The following RO60 variants were observed in gnomAD, a reference collection of about 807,000 sequenced individuals.
RO60 encodes RNA-binding protein RO60.
Under a neutral mutation model 55.3 loss-of-function variants are expected in RO60, and 20 were observed. The observed-to-expected ratio is 0.36, with a 90% CI of 0.25 to 0.53. The LOEUF is 0.53. Among genes scored for constraint, RO60 ranks in the 20% least tolerant of loss-of-function variants. The pLI is 0.92. For missense variants in RO60, 558 were observed against 646.6 expected, an observed-to-expected ratio of 0.86 and a Z score of 1.49; for synonymous variants, 213 against 213.6, an observed-to-expected ratio of 1.00 and a Z score of 0.02.
rs1271959018 is a variant in RO60 at position 193,088,736 on chromosome 1, CAAGA to C, written c.*4011_*4014del. On this transcript the variant is annotated 3_prime_UTR_variant, in exon 9 of 9. Transcript: ENST00000400968. The stretch of plus-strand genomic sequence containing the variant: ...CATATGGCATCAGTGTAAACATGCA[CAAGA>C]AAGAATTTGTAAAAAAAAATGACAG... 2.0e-5 allele frequency: 3 copies of C among 151,874 alleles called. No individual in the cohort carries two copies. The highest frequency in any genetic ancestry group is 2.0e-4 in the Admixed American group (3 of 15,254). 9.4% of individuals were successfully genotyped at this position (151,874 alleles called of 1,614,324 possible).
intron 1 of RO60, among the ~76,000 whole-genome samples, chr1:193,066,080 C>G (rs769952311): frequency 1.8e-4 from 27 of 152,132 alleles, no homozygotes; most frequent in Non-Finnish European, 3.2e-4. Context: ...TTCCTTATCC[C>G]TCATTCCTTC....
chr1:193,059,734 C>A lies in RO60; in HGVS notation c.-64C>A. 1 of 1,352,350 alleles carries A rather than the reference C, an allele frequency of 7.4e-7. No homozygotes were observed. 83.8% of individuals were successfully genotyped at this position (1,352,350 alleles called of 1,614,324 possible). A position where few individuals can be genotyped will look rare whatever the true frequency, so the allele number is the denominator to read the frequency against. ...TTTCCCAGCGCTGCGCAGGACTTCTCCTGGCGGCGCTGCGGATCCAGGGGG... is the reference window on the plus strand; with the variant it reads ...TTTCCCAGCGCTGCGCAGGACTTCTACTGGCGGCGCTGCGGATCCAGGGGG... On this transcript the variant is annotated 5_prime_UTR_variant, in exon 1 of 9. Transcript: ENST00000400968. The surrounding 1 kb of genome is among the most constrained non-coding windows in gnomAD (Gnocchi z 4.9).
chr1:193,082,131 A>G (rs1674352390), intron 6 of RO60, 55 bp from the exon 7 acceptor site: 4 of 1,055,574 alleles, frequency 3.8e-6, no homozygotes, highest in Non-Finnish European at 5.9e-6. Context: ...ATAAAATTCA[A>G]AATATTGTAT....
intron 5 of RO60, among the ~76,000 whole-genome samples, chr1:193,078,991 C>G (rs1465050465): frequency 1.3e-5 from 2 of 149,884 alleles, no homozygotes; most frequent in Non-Finnish European, 3.0e-5. Flanking sequence ...CTGCAGTAAT[C>G]AAAACAGTGT....
At chr1:193,083,769 T>G (rs1055499417) in intron 8 of RO60, among the ~76,000 whole-genome samples, 1 of 152,170 alleles carries the variant, frequency 6.6e-6, no homozygotes, top group African/African-American at 2.4e-5. Context: ...GTTTTGTTTT[T>G]TTAAGAAATG....
intron 2 of RO60, among the ~76,000 whole-genome samples, chr1:193,072,740 G>A (rs1673607844): frequency 6.6e-6 from 1 of 152,200 alleles, no homozygotes; most frequent in Non-Finnish European, 1.5e-5. Flanking sequence ...CTAAGAGAAA[G>A]ACCGCCCATT....
rs1450178735 is a variant in RO60 at position 193,086,361 on chromosome 1, G to A, written c.*1630G>A. The A allele has an allele frequency of 3.3e-5, 5 of 152,014 alleles. No homozygotes were observed. Among genetic ancestry groups the A allele is most frequent in the Admixed American group, 3.3e-4 (5 of 15,250 alleles). 9.4% of individuals were successfully genotyped at this position (152,014 alleles called of 1,614,324 possible). On this transcript the variant is annotated 3_prime_UTR_variant, in exon 9 of 9. Transcript: ENST00000400968. ...AGGCAACTGGTATCAGTTTTTAAGT[G>A]TGATTTACCTGAGATATTTTTGTTC... is the stretch of plus-strand genomic sequence containing the variant.
rs754624123 is a variant in RO60 at position 193,082,197 on chromosome 1, A to G, written c.1215A>G (p.Arg405=). The G allele has an allele frequency of 6.2e-7, 1 of 1,611,658 alleles. No individual in the cohort carries two copies. Among genetic ancestry groups the G allele is most frequent in the African/African-American group, 1.3e-5 (1 of 74,970 alleles). The change falls in exon 7 of 9, where the codon CGA becomes CGG. Residue 405 remains arginine (R), a synonymous_variant. Transcript: ENST00000400968. ...VAAAMCMVVT[R]TEKDSYVVAF... is the part of the protein sequence containing the mutation. ...ATTGAATTTTTCAGGTTGTCACACG[A>G]ACAGAAAAAGATTCTTATGTAGTTG... is the stretch of plus-strand genomic sequence containing the variant.
intron 4 of RO60, 79 bp from the exon 5 acceptor site, chr1:193,076,834 A>C: frequency 2.1e-6 from 3 of 1,436,884 alleles, no homozygotes; most frequent in Non-Finnish European, 2.8e-6. Context: ...TGTAGTTATT[A>C]GCTACAATAA....
intron 5 of RO60, among the ~76,000 whole-genome samples, chr1:193,080,937 A>AG (rs1390476952): frequency 1.3e-5 from 2 of 152,194 alleles, no homozygotes; most frequent in African/African-American, 4.8e-5. Context: ...TGAAATAGAT[A>AG]GAGGTGATAG....
At chr1:193,078,785 A>T (rs2103062157) in intron 5 of RO60, among the ~76,000 whole-genome samples, 1 of 152,310 alleles carries the variant, frequency 6.6e-6, no homozygotes, top group East Asian at 1.9e-4. Flanking sequence ...TGTTAAGATG[A>T]CAATACTATC....
chr1:193,070,098 TA>T (rs1222446555), intron 2 of RO60, among the ~76,000 whole-genome samples: 1 of 150,526 alleles, frequency 6.6e-6, no homozygotes, highest in Admixed American at 6.6e-5. Context: ...TCCTTAAGAT[TA>T]TGTATAGAAA....
Position 193,069,514 on chromosome 1 carries a change from G to T in RO60, c.460G>T (p.Asp154Tyr). ...TCGTGCCCTCCGGAAGGCTATAGCG[G>T]ACTGGTACAATGAGAAAGGTGGCAT... ...WGRALRKAIA[D>Y]WYNEKGGMAL... The change falls in exon 2 of 9, where the codon GAC becomes TAC. Residue 154 changes from aspartate (D) to tyrosine (Y), a missense_variant. Coordinates refer to ENST00000400968, the MANE Select transcript of RO60 (RefSeq NM_001173524.2). 6.2e-7 allele frequency: 1 copy of T among 1,614,164 alleles called. No homozygotes were observed. The highest frequency in any genetic ancestry group is 8.5e-7 in the Non-Finnish European group (1 of 1,180,026).
At position 193,084,758 on chromosome 1, in the gene RO60, T is replaced by C. The variant is rs777832621; in HGVS notation, c.*27T>C. ...CATAAGCAGCAGCACGATCCAGAGA[T>C]CCATTGCCATCAGTGATCTCACTAA... is the stretch of plus-strand genomic sequence containing the variant. On this transcript the variant is annotated 3_prime_UTR_variant, in exon 9 of 9. Coordinates refer to ENST00000400968, the MANE Select transcript of RO60 (RefSeq NM_001173524.2). The C allele has an allele frequency of 2.9e-5, 47 of 1,597,118 alleles. No individual in the cohort carries two copies. Among genetic ancestry groups the C allele is most frequent in the South Asian group, 1.0e-4 (9 of 87,704 alleles).
intron 2 of RO60, among the ~76,000 whole-genome samples, chr1:193,072,104 A>G (rs1464137106): frequency 6.6e-6 from 1 of 152,080 alleles, no homozygotes; most frequent in African/African-American, 2.4e-5. Context: ...CCCAGATTCA[A>G]GCAATTCTCC....
intron 8 of RO60, among the ~76,000 whole-genome samples, 176 bp from the exon 9 acceptor site, chr1:193,084,403 A>G (rs573280687): frequency 2.0e-5 from 3 of 152,190 alleles, no homozygotes; most frequent in Admixed American, 2.0e-4. Context: ...ATACAATTTT[A>G]TTGTCCCTTC....
At chr1:193,068,101 A>G in intron 1 of RO60, among the ~76,000 whole-genome samples, 1 of 152,170 alleles carries the variant, frequency 6.6e-6, no homozygotes, top group Non-Finnish European at 1.5e-5. Flanking sequence ...GACTGAAGAA[A>G]ACCTCAAAAG....
At position 193,084,599 on chromosome 1, in the gene RO60, A is replaced by G. The variant is rs374728183; in HGVS notation, c.1485A>G (p.Lys495=). 26 of 1,612,496 alleles carry G rather than the reference A, an allele frequency of 1.6e-5. No homozygotes were observed. Among genetic ancestry groups the G allele is most frequent in the Non-Finnish European group, 8.5e-7 (1 of 1,179,556 alleles). ...TACAGAAAATGGATATTCCAGCTAA[A>G]TTGATTGTTTGTGGAATGACATCAA... ...EYRKKMDIPA[K]LIVCGMTSNG... Residue 495 remains lysine (K), a synonymous_variant, in exon 9 of 9, where the codon AAA becomes AAG. Coordinates refer to ENST00000400968, the MANE Select transcript of RO60 (RefSeq NM_001173524.2).
rs1224610995 is a variant in RO60 at position 193,084,993 on chromosome 1, T to C, written c.*262T>C. On this transcript the variant is annotated 3_prime_UTR_variant, in exon 9 of 9. Coordinates refer to ENST00000400968, the MANE Select transcript of RO60 (RefSeq NM_001173524.2). ...TAGAGAACTTTTTGTTAACAGACAC[T>C]GTAAAATAGTTTTGCTTTGTTGAAT... 6 of 1,544,830 alleles carry C rather than the reference T, an allele frequency of 3.9e-6. No homozygotes were observed. The highest frequency in any genetic ancestry group is 1.7e-4 in the Middle Eastern group (1 of 5,958).
Sources: gnomAD v4.1 joint callset for allele counts (sites outside exome capture counted in the v4.1 genomes callset) on GRCh38, gnomAD v4.1.1 for gene constraint, Gnocchi (gnomAD v3.1) non-coding constraint, MANE v1.5 for transcripts, NCBI Gene and HGNC (gene_info 2026-07-23, HGNC 2026-07-21) for gene names.